NLGN4X: variants seen among roughly 807,000 people sequenced by gnomAD.
The protein encoded by NLGN4X is neuroligin-4, X-linked.
A neutral mutation model predicts 40.3 loss-of-function variants in NLGN4X; 3 were observed. The observed-to-expected ratio is 0.07, with a 90% CI of 0.03 to 0.19. NLGN4X has a LOEUF of 0.19. Among genes scored for constraint, NLGN4X ranks in the 10% least tolerant of loss-of-function variants. The pLI is 1.00. For missense variants in NLGN4X, 382 were observed against 708.3 expected (o/e 0.54, Z 5.23); for synonymous variants, 270 against 306.8 (o/e 0.88, Z 1.25).
intron 3 of NLGN4X, among the ~76,000 whole-genome samples, chrX:5,930,131 G>A (rs1428078857): frequency 8.9e-6 from 1 of 111,898 alleles, no homozygotes. Flanking sequence ...AAATGCTAAG[G>A]TGCCATATTT....
At chrX:5,942,597 T>C (rs914271241) in intron 3 of NLGN4X, among the ~76,000 whole-genome samples, 2 of 109,275 alleles carry the variant, frequency 1.8e-5, no homozygotes, top group African/African-American at 6.7e-5. Flanking sequence ...AGAGGTTGCA[T>C]TGGGCCGAGA....
chrX:6,143,640 C>G (rs1175431154), intron 2 of NLGN4X, among the ~76,000 whole-genome samples: 1 of 111,987 alleles, frequency 8.9e-6, no homozygotes, highest in Admixed American at 9.5e-5. Context: ...TTTGAATATA[C>G]CATTTAGGAC....
intron 2 of NLGN4X, among the ~76,000 whole-genome samples, chrX:6,125,835 G>C (rs1329759145): frequency 9.0e-6 from 1 of 111,356 alleles, no homozygotes; most frequent in Non-Finnish European, 1.9e-5. Flanking sequence ...CAAAAGTATA[G>C]AGTGTATAAC....
intron 1 of NLGN4X, among the ~76,000 whole-genome samples, chrX:6,161,919 T>C (rs1326523274): frequency 1.8e-5 from 2 of 111,884 alleles, no homozygotes; most frequent in East Asian, 2.8e-4. Context: ...TATGAACATA[T>C]ATATTCGAAC....
chrX:5,921,588 G>A (rs1199668697), intron 3 of NLGN4X, among the ~76,000 whole-genome samples: 1 of 110,921 alleles, frequency 9.0e-6, no homozygotes, highest in Non-Finnish European at 1.9e-5. Context: ...AGCCCCTATG[G>A]TACCAACAGC....
intron 3 of NLGN4X, among the ~76,000 whole-genome samples, chrX:5,941,210 T>C (rs867723113): frequency 1.0e-5 from 1 of 97,540 alleles, no homozygotes; most frequent in African/African-American, 4.6e-5. Flanking sequence ...TGTGTGTGTG[T>C]GTGTGTGTGT....
intron 2 of NLGN4X, among the ~76,000 whole-genome samples, chrX:6,077,573 G>A (rs1036983956): frequency 9.0e-6 from 1 of 110,866 alleles, no homozygotes; most frequent in Non-Finnish European, 1.9e-5. Flanking sequence ...ACAGGTGTCA[G>A]CCACCATGCC....
chrX:5,892,831 T>C lies in NLGN4X; in HGVS notation c.2437A>G (p.Thr813Ala). The C allele has an allele frequency of 8.3e-7, 1 of 1,211,225 alleles. No individual in the cohort carries two copies. Among genetic ancestry groups the C allele is most frequent in the Non-Finnish European group, 1.1e-6 (1 of 895,370 alleles). The change falls in exon 6 of 6, where the codon ACC (threonine) becomes GCC (alanine). Residue 813 changes from threonine (T) to alanine (A), a missense_variant. Transcript: ENST00000381095. ...ATAGGGCAAAGCTATACTCTAGTGG[T>C]GGAATGTCCGTGGGGTAAATTTGTA... ...NSTNLPHGHS[T>A]TRV
chrX:6,093,186 G>A (rs1384911309), intron 2 of NLGN4X, among the ~76,000 whole-genome samples: 1 of 112,151 alleles, frequency 8.9e-6, no homozygotes, highest in Non-Finnish European at 1.9e-5. Context: ...TGTATAGCCA[G>A]AAGACAGTGA....
rs777655361 is a variant in NLGN4X at position 6,194,557 on chromosome X, T to C, written c.-306+33984A>G. Among the ~76,000 whole-genome samples the C allele has an allele frequency of 3.6e-5, 4 of 111,658 alleles. No individual in the cohort carries two copies. In the South Asian group the frequency reaches 1.5e-3, roughly 42 times the overall value. On this transcript the variant is annotated intron_variant, in intron 1 of 5. Transcript: ENST00000381095. ...GGGCTTACTTCCATGCTTGAAAAAA[T>C]ATTAATACAAAGTAGATAAGGCCTT...
chrX:6,019,633 G>A (rs1602073332), intron 3 of NLGN4X, among the ~76,000 whole-genome samples: 1 of 111,065 alleles, frequency 9.0e-6, no homozygotes, highest in South Asian at 3.8e-4. Flanking sequence ...CATCCCTTGG[G>A]ATACTCATCA....
intron 3 of NLGN4X, among the ~76,000 whole-genome samples, chrX:6,001,837 T>C (rs746435836): frequency 8.9e-6 from 1 of 111,939 alleles, no homozygotes; most frequent in Non-Finnish European, 1.9e-5. Context: ...ATAGAATACA[T>C]TGATTTTATT....
At chrX:5,960,489 A>G (rs1034458534) in intron 3 of NLGN4X, among the ~76,000 whole-genome samples, 1 of 111,883 alleles carries the variant, frequency 8.9e-6, no homozygotes, top group Non-Finnish European at 1.9e-5. Context: ...ATACTTTCAC[A>G]AAGGAATTTA....
At chrX:5,943,819 C>T (rs962033248) in intron 3 of NLGN4X, among the ~76,000 whole-genome samples, 17 of 112,561 alleles carry the variant, frequency 1.5e-4, no homozygotes, top group Non-Finnish European at 3.2e-4. Context: ...CCTTGTTACT[C>T]TATGCCTAAC....
intron 2 of NLGN4X, chrX:6,061,857 A>G (rs752358824): frequency 7.2e-5 from 8 of 111,741 alleles, no homozygotes; most frequent in South Asian, 3.8e-4. Context: ...ACCCTGGACA[A>G]TTATGTTCAT....
At chrX:6,137,249 T>G (rs1357135749) in intron 2 of NLGN4X, among the ~76,000 whole-genome samples, 1 of 111,992 alleles carries the variant, frequency 8.9e-6, no homozygotes, top group Non-Finnish European at 1.9e-5. Flanking sequence ...CATCCTCACA[T>G]GGTGTTCTCC....
chrX:6,198,378 A>T lies in NLGN4X; in HGVS notation c.-306+30163T>A, dbSNP rs192815937. On this transcript the variant is annotated intron_variant, in intron 1 of 5. Coordinates refer to ENST00000381095, the MANE Select transcript of NLGN4X (RefSeq NM_181332.3). ...ATTTTCATCAAGATGACATTGATAG[A>T]ACTCTGACTTTTCATATGATGCTAA... Among the ~76,000 whole-genome samples the T allele has an allele frequency of 4.5e-5, 5 of 111,992 alleles. No homozygotes were observed. The East Asian group carries it at 1.4e-3, about 32-fold the overall frequency.
intron 2 of NLGN4X, among the ~76,000 whole-genome samples, chrX:6,029,703 A>C (rs1239718285): frequency 9.0e-6 from 1 of 111,625 alleles, no homozygotes. Flanking sequence ...TAAAGCACTA[A>C]AAGAAATGGT....
chrX:6,056,332 C>T (rs6654812), intron 2 of NLGN4X, among the ~76,000 whole-genome samples: 7,378 of 110,506 alleles, frequency 0.067, 526 homozygotes, highest in African/African-American at 0.22. Context: ...AAAACTTAGC[C>T]GGGTGTGGTG....
Sources: gnomAD v4.1 joint callset for allele counts (sites outside exome capture counted in the v4.1 genomes callset) on GRCh38, gnomAD v4.1.1 for gene constraint, MANE v1.5 for transcripts, NCBI Gene and HGNC (gene_info 2026-07-23, HGNC 2026-07-21) for gene names.